Variants in ZSCAN25 observed in about 807,000 individuals in gnomAD.
ZSCAN25 encodes zinc finger and SCAN domain containing 25.
In ZSCAN25, 27 loss-of-function variants were observed where a neutral mutation model predicts 38.7. That is an observed-to-expected ratio of 0.70 (90% CI 0.51 to 0.96). The LOEUF (loss-of-function observed/expected upper bound fraction) is 0.96. ZSCAN25 is among the 40% of genes least tolerant of loss of function. The probability of loss-of-function intolerance (pLI) is 0.00; values close to 1 mark genes in which losing one functional copy is unlikely to be tolerated. For synonymous variants in ZSCAN25, 273 were observed against 277.7 expected, an observed-to-expected ratio of 0.98 and a Z score of 0.17; for missense variants, 637 against 705.9, an observed-to-expected ratio of 0.90 and a Z score of 1.11.
chr7:99,636,046 CAAAAAAAAAAAA>C (rs780898445), downstream of ZSCAN25, among the ~76,000 whole-genome samples: 4 of 43,402 alleles, frequency 9.2e-5, no homozygotes, highest in East Asian at 3.3e-3. Flanking sequence ...GACTCCATCT[CAAAAAAAAAAAA>C]AAAAAAAAAA....
rs200142949 is a variant in ZSCAN25 at position 99,622,567 on chromosome 7, C to T, written c.608C>T (p.Ala203Val). The change falls in exon 6 of 8, where the codon GCG (alanine) becomes GTG (valine). Residue 203 changes from alanine to valine, a missense_variant. Coordinates refer to ENST00000394152, the MANE Select transcript of ZSCAN25 (RefSeq NM_145115.3). ...FQEQALPVLQAGPGLPAVNPR... is the reference protein window; with the variant it reads ...FQEQALPVLQVGPGLPAVNPR... Reference sequence around the variant, plus strand: ...TGCTCAGCACTACCTGTTCTGCAGGCGGGTCCTGGCCTCCCCGCAGTGAAT... The same window carrying T: ...TGCTCAGCACTACCTGTTCTGCAGGTGGGTCCTGGCCTCCCCGCAGTGAAT... 136 of 1,614,154 alleles carry T rather than the reference C, an allele frequency of 8.4e-5. No homozygotes were observed. The highest frequency in any genetic ancestry group is 1.6e-4 in the Middle Eastern group (1 of 6,062).
At chr7:99,650,243 A>G in the ZSCAN25 span, 1 of 1,610,844 alleles carries the variant, frequency 6.2e-7, no homozygotes, top group Non-Finnish European at 8.5e-7. Context: ...CTAGTTCCAT[A>G]TTGGTAGATT....
chr7:99,680,166 C>G, the ZSCAN25 span: 1 of 420,330 alleles, frequency 2.4e-6, no homozygotes, highest in East Asian at 4.5e-5. Context: ...TCCAAGGGTT[C>G]TGGGTTCTTA....
the ZSCAN25 span, chr7:99,672,871 G>A: frequency 1.4e-6 from 2 of 1,397,154 alleles, no homozygotes; most frequent in East Asian, 5.3e-5. Context: ...GCCACCCAAG[G>A]CTTCATATGA....
At chr7:99,709,635 T>C in the ZSCAN25 span, among the ~76,000 whole-genome samples, 2 of 152,188 alleles carry the variant, frequency 1.3e-5, no homozygotes, top group African/African-American at 4.8e-5. Context: ...GTTACACGTC[T>C]GTAACCAAGG....
the ZSCAN25 span, among the ~76,000 whole-genome samples, chr7:99,734,785 C>G: frequency 2.6e-5 from 4 of 151,952 alleles, no homozygotes; most frequent in Non-Finnish European, 5.9e-5. Flanking sequence ...CCATGCCCAG[C>G]TAATTTTTGT....
chr7:99,715,989 T>C, the ZSCAN25 span: 1 of 1,610,372 alleles, frequency 6.2e-7, no homozygotes, highest in African/African-American at 1.3e-5. Flanking sequence ...AATCCACATG[T>C]CCAGTCAAGA....
the ZSCAN25 span, among the ~76,000 whole-genome samples, chr7:99,693,030 G>GT: frequency 6.6e-6 from 1 of 152,138 alleles, no homozygotes; most frequent in Non-Finnish European, 1.5e-5. Context: ...CATCTTTATG[G>GT]TTTTATCTAT....
At chr7:99,662,812 T>C in the ZSCAN25 span, 1 of 1,613,648 alleles carries the variant, frequency 6.2e-7, no homozygotes, top group South Asian at 1.1e-5. This position sits in a 1 kb window ranked among gnomAD's most constrained non-coding sequence, Gnocchi z 4.3. Flanking sequence ...CACTCCTTGG[T>C]TACCTTTGTG....
In ZSCAN25 at chr7:99,631,230, G is replaced by A; in HGVS notation, c.*1210G>A. 2.0e-6 allele frequency: 2 copies of A among 985,396 alleles called. No individual in the cohort carries two copies. Among genetic ancestry groups the A allele is most frequent in the Non-Finnish European group, 2.4e-6 (2 of 829,958 alleles). 61.0% of individuals were successfully genotyped at this position (985,396 alleles called of 1,614,324 possible). On this transcript the variant is annotated 3_prime_UTR_variant, in exon 8 of 8. Coordinates refer to ENST00000394152, the MANE Select transcript of ZSCAN25 (RefSeq NM_145115.3). Reference sequence around the variant, plus strand: ...TACCTCTTGTTACTAAATGGTCTCTGCCCTCCAGACCCTTGTCATCCAAGG... The same window carrying A: ...TACCTCTTGTTACTAAATGGTCTCTACCCTCCAGACCCTTGTCATCCAAGG...
At chr7:99,666,482 G>T in the ZSCAN25 span, 1 of 1,121,650 alleles carries the variant, frequency 8.9e-7, no homozygotes. Flanking sequence ...TGGAGTTGCA[G>T]CGCTGCCCTG....
chr7:99,685,168 G>A, the ZSCAN25 span: 6 of 1,611,340 alleles, frequency 3.7e-6, no homozygotes, highest in Non-Finnish European at 5.1e-6. Context: ...CCCATCCCTT[G>A]ACTCAACCTT....
the ZSCAN25 span, among the ~76,000 whole-genome samples, chr7:99,701,222 G>C: frequency 6.6e-6 from 1 of 152,134 alleles, no homozygotes; most frequent in South Asian, 2.1e-4. Context: ...TGTGTGCCTG[G>C]CTTATTTTAC....
chr7:99,658,164 T>G, the ZSCAN25 span, among the ~76,000 whole-genome samples: 4 of 152,216 alleles, frequency 2.6e-5, 1 homozygote, highest in East Asian at 5.8e-4. Flanking sequence ...TTGATGCAGT[T>G]TCTCCTTAGC....
the ZSCAN25 span, among the ~76,000 whole-genome samples, chr7:99,706,690 A>T: frequency 6.6e-6 from 1 of 152,264 alleles, no homozygotes; most frequent in Non-Finnish European, 1.5e-5. Context: ...TTCCCTGCAG[A>T]CAGACATGCA....
chr7:99,704,759 C>T, the ZSCAN25 span, among the ~76,000 whole-genome samples: 486 of 152,060 alleles, frequency 3.2e-3, 1 homozygote, highest in African/African-American at 0.011. Flanking sequence ...GTCAGGAGAT[C>T]GAGAGCATCC....
the ZSCAN25 span, among the ~76,000 whole-genome samples, chr7:99,722,856 T>A: frequency 6.6e-6 from 1 of 152,184 alleles, no homozygotes; most frequent in Non-Finnish European, 1.5e-5. Context: ...CCTAGCAGAT[T>A]TAGATAAGTG....
the ZSCAN25 span, among the ~76,000 whole-genome samples, chr7:99,638,082 C>T: frequency 1.3e-5 from 2 of 152,154 alleles, no homozygotes; most frequent in Admixed American, 1.3e-4. Flanking sequence ...GAACGGGAAA[C>T]AGAAGACCCC....
At chr7:99,713,368 C>T in the ZSCAN25 span, 1 of 1,558,574 alleles carries the variant, frequency 6.4e-7, no homozygotes, top group Non-Finnish European at 8.8e-7. Context: ...TGCTATGTGG[C>T]AGAAATTCTC....
Sources: gnomAD v4.1 joint callset for allele counts (sites outside exome capture counted in the v4.1 genomes callset) on GRCh38, gnomAD v4.1.1 for gene constraint, Gnocchi (gnomAD v3.1) non-coding constraint, MANE v1.5 for transcripts, NCBI Gene and HGNC (gene_info 2026-07-23, HGNC 2026-07-21) for gene names.